The following FER1L6 variants were observed in gnomAD, a reference collection of about 807,000 sequenced individuals.
The protein encoded by FER1L6 is fer-1 like family member 6.
A neutral mutation model predicts 219.2 loss-of-function variants in FER1L6; 177 were observed. The ratio of observed to expected loss-of-function variants is 0.81; its 90% CI spans 0.71 to 0.91. FER1L6 has a LOEUF of 0.91. Among genes scored for constraint, FER1L6 ranks in the 40% least tolerant of loss-of-function variants. The probability of loss-of-function intolerance (pLI) is 0.00; values close to 1 mark genes in which losing one functional copy is unlikely to be tolerated. For missense variants in FER1L6, 2,153 were observed against 2,259.9 expected (o/e 0.95, Z 0.96); for synonymous variants, 768 against 824.3 (o/e 0.93, Z 1.17).
intron 19 of FER1L6, among the ~76,000 whole-genome samples, chr8:124,037,401 A>T (rs1223789094): frequency 6.6e-6 from 1 of 152,116 alleles, no homozygotes; most frequent in African/African-American, 2.4e-5. Context: ...TCCATCATTT[A>T]CTGTTGCCAT....
chr8:123,973,487 C>T lies in FER1L6; in HGVS notation c.501C>T (p.Asp167=), dbSNP rs1470204780. ...GSVLIGSFKV[D]LGTVYNQPGH... ...TACTGATTGGCTCTTTCAAAGTAGACCTGGGGACCGTGTACAACCAACCTG... is the reference window on the plus strand; with the variant it reads ...TACTGATTGGCTCTTTCAAAGTAGATCTGGGGACCGTGTACAACCAACCTG... The change falls in exon 7 of 41, where the codon GAC becomes GAT. Residue 167 remains aspartate (D), a synonymous_variant. Coordinates refer to ENST00000522917, the MANE Select transcript of FER1L6 (RefSeq NM_001039112.2). 3.7e-6 allele frequency: 6 copies of T among 1,613,888 alleles called. No homozygotes were observed. In the Admixed American group the frequency reaches 6.7e-5, roughly 18 times the overall value.
chr8:123,915,700 A>G (rs968362848), intron 1 of FER1L6, among the ~76,000 whole-genome samples: 1 of 152,216 alleles, frequency 6.6e-6, no homozygotes, highest in Non-Finnish European at 1.5e-5. Context: ...AGGTATTACA[A>G]TAGCGATAAG....
chr8:124,116,021 A>G lies in FER1L6; in HGVS notation c.5290-2823A>G, dbSNP rs577195525. On this transcript the variant is annotated intron_variant, in intron 39 of 40. Coordinates refer to ENST00000522917, the MANE Select transcript of FER1L6 (RefSeq NM_001039112.2). ...GACAGCAATTACAGGGTTCCTCTTG[A>G]ATATTTCAGAAACAGCACATTTATT... 2.0e-3 allele frequency among the ~76,000 whole-genome samples: 302 copies of G among 152,356 alleles called. 2 individuals are homozygous for G. The highest frequency in any genetic ancestry group is 7.0e-3 in the African/African-American group (292 of 41,592).
At position 123,977,364 on chromosome 8, in the gene FER1L6, C is replaced by G. The variant is rs1295268144; in HGVS notation, c.871-53C>G. The G allele has an allele frequency of 2.6e-6, 4 of 1,537,628 alleles. No homozygotes were observed. In the East Asian group the frequency reaches 6.8e-5, roughly 26 times the overall value. On this transcript the variant is annotated intron_variant, in intron 9 of 40. Coordinates refer to ENST00000522917, the MANE Select transcript of FER1L6 (RefSeq NM_001039112.2). ...ACTTCCAGCTGGCTTGAAGAGTTTTCTGTAGTCAGTCAGTCCCTTCCATGA... is the reference window on the plus strand; with the variant it reads ...ACTTCCAGCTGGCTTGAAGAGTTTTGTGTAGTCAGTCAGTCCCTTCCATGA...
intron 1 of FER1L6, among the ~76,000 whole-genome samples, chr8:123,887,933 G>A (rs1817234779): frequency 6.6e-6 from 1 of 152,070 alleles, no homozygotes. Context: ...GAAAATTAAA[G>A]AAATCTGGCT....
rs145798092 is a variant in FER1L6, at chr8:124,060,618, T to C, written c.3056T>C (p.Ile1019Thr). The C allele has an allele frequency of 2.9e-5, 47 of 1,613,884 alleles. No homozygotes were observed. Among genetic ancestry groups the C allele is most frequent in the Admixed American group, 1.0e-4 (6 of 59,972 alleles). The change falls in exon 24 of 41, where the codon ATT (isoleucine) becomes ACT (threonine). Residue 1019 changes from isoleucine to threonine, a missense_variant. Physicochemically the swap from Ile to Thr is moderately conservative, Grantham distance 89 (BLOSUM62 -1). Transcript: ENST00000522917. ...TCTGTGGATCGGCCTCAGGCTCTCA[T>C]TGAGTGCGGAGGACAAGGTGTGAAG... ...LLSVDRPQAL[I>T]ECGGQGVKSC...
At chr8:124,065,089 G>C (rs1196369729) in intron 26 of FER1L6, among the ~76,000 whole-genome samples, 2 of 152,072 alleles carry the variant, frequency 1.3e-5, no homozygotes, top group Admixed American at 1.3e-4. Flanking sequence ...AAAAGAGAAG[G>C]CCATTTTAAG....
At chr8:124,101,420 C>T (rs1822545404) in intron 38 of FER1L6, 82 bp downstream of exon 38, 6 of 1,307,496 alleles carry the variant, frequency 4.6e-6, no homozygotes, top group Middle Eastern at 5.1e-4. Context: ...GATTTAGTTA[C>T]AAGACTAATA....
chr8:124,049,643 C>T lies in FER1L6; in HGVS notation c.2761C>T (p.Pro921Ser). 2 of 1,613,940 alleles carry T rather than the reference C, an allele frequency of 1.2e-6. No individual in the cohort carries two copies. The highest frequency in any genetic ancestry group is 1.7e-6 in the Non-Finnish European group (2 of 1,179,986). The part of the protein sequence containing the change: ...PEYLGATVAA[P>S]VVKLADQDYE... The stretch of plus-strand genomic sequence containing the variant: ...ATATTTGGGTGCCACAGTGGCTGCT[C>T]CTGTTGTGAAGCTGGCTGACCAGGA... Residue 921 changes from proline to serine, a missense_variant, in exon 22 of 41, where the codon CCT (proline) becomes TCT (serine). Transcript: ENST00000522917.
In FER1L6 at chr8:124,106,256, G is replaced by A. The variant is rs141935020; in HGVS notation, c.5289+2947G>A. On this transcript the variant is annotated intron_variant, in intron 39 of 40. Transcript: ENST00000522917. Reference sequence around the variant, plus strand: ...AGGCAGAAGAATGGTGTGAACCCAGGAGGCGGAGCTTGCAGTGAGCCGAGA... The same window carrying A: ...AGGCAGAAGAATGGTGTGAACCCAGAAGGCGGAGCTTGCAGTGAGCCGAGA... Among the ~76,000 whole-genome samples, 855 of 130,184 alleles carry A rather than the reference G, an allele frequency of 6.6e-3. 14 individuals carry two copies. The highest frequency in any genetic ancestry group is 0.023 in the African/African-American group (810 of 35,042). The allele number at this position is 130,184 out of a possible 152,430, so 85.4% of individuals were successfully genotyped here.
In FER1L6 at chr8:124,060,548, G is replaced by T. The variant is rs1183709873; in HGVS notation, c.2986G>T (p.Val996Phe). 6.2e-7 allele frequency: 1 copy of T among 1,613,786 alleles called. No homozygotes were observed. The highest frequency in any genetic ancestry group is 1.1e-5 in the South Asian group (1 of 91,054). The change falls in exon 24 of 41, where the codon GTT (valine) becomes TTT (phenylalanine). Residue 996 changes from valine to phenylalanine, a missense_variant and splice_region_variant. Physicochemically the swap from Val to Phe is conservative, Grantham distance 50. Coordinates refer to ENST00000522917, the MANE Select transcript of FER1L6 (RefSeq NM_001039112.2). The part of the protein sequence containing the change: ...RPVLSKYRVE[V>F]LFWGVREMKK... ...ATGGCTCTGCTGGTCTTTTCCTCAG[G>T]TTCTCTTCTGGGGAGTTCGGGAAAT...
rs184131724 is a variant in FER1L6, at chr8:124,030,961, C to A, written c.2287-4316C>A. 1.8e-3 allele frequency among the ~76,000 whole-genome samples: 281 copies of A among 152,262 alleles called. 3 individuals are homozygous for A. Among genetic ancestry groups the A allele is most frequent in the Middle Eastern group, 3.4e-3 (1 of 294 alleles). On this transcript the variant is annotated intron_variant, in intron 18 of 40. Coordinates refer to ENST00000522917, the MANE Select transcript of FER1L6 (RefSeq NM_001039112.2). ...CAGGGGAGACTGAGCCTTTAGTATTCTGTCTCATGCAATATTTATATATGG... is the reference window on the plus strand; with the variant it reads ...CAGGGGAGACTGAGCCTTTAGTATTATGTCTCATGCAATATTTATATATGG...
At chr8:123,969,124 A>G (rs1815684530) in intron 5 of FER1L6, among the ~76,000 whole-genome samples, 1 of 152,218 alleles carries the variant, frequency 6.6e-6, no homozygotes, top group South Asian at 2.1e-4. Context: ...CAAGAGAACT[A>G]AGGTTTGGTC....
intron 1 of FER1L6, among the ~76,000 whole-genome samples, chr8:123,938,099 A>C (rs764944570): frequency 2.0e-5 from 3 of 152,210 alleles, no homozygotes; most frequent in African/African-American, 7.2e-5. Context: ...TCATACCAAG[A>C]ACACTTCCTT....
At chr8:123,889,601 T>C (rs1812603801) in intron 1 of FER1L6, among the ~76,000 whole-genome samples, 2 of 152,120 alleles carry the variant, frequency 1.3e-5, no homozygotes. Flanking sequence ...AAGTATTAGA[T>C]ACATACACCA....
chr8:123,997,858 T>C (rs1185227232), intron 12 of FER1L6, among the ~76,000 whole-genome samples: 1 of 152,226 alleles, frequency 6.6e-6, no homozygotes, highest in Admixed American at 6.5e-5. Context: ...CTTGATTCTT[T>C]CTAATTATTC....
At chr8:123,982,412 T>A (rs1169217251) in intron 11 of FER1L6, among the ~76,000 whole-genome samples, 21 of 152,246 alleles carry the variant, frequency 1.4e-4, no homozygotes, top group Non-Finnish European at 2.5e-4. Flanking sequence ...GTTGGGAACT[T>A]ATGTGGGGTA....
intron 13 of FER1L6, among the ~76,000 whole-genome samples, chr8:124,005,514 C>T (rs1470161968): frequency 1.3e-5 from 2 of 152,214 alleles, no homozygotes. Flanking sequence ...AATTCCATTC[C>T]CTGAATCCCC....
intron 22 of FER1L6, among the ~76,000 whole-genome samples, chr8:124,051,511 C>G (rs996068174): frequency 6.6e-6 from 1 of 152,176 alleles, no homozygotes; most frequent in Non-Finnish European, 1.5e-5. Flanking sequence ...TATAGTCAAT[C>G]TATCTAAAGT....
Sources: allele counts gnomAD v4.1 joint callset (sites outside exome capture counted in the v4.1 genomes callset), GRCh38; gene constraint gnomAD v4.1.1; transcripts MANE v1.5; gene names NCBI Gene and HGNC (gene_info 2026-07-23, HGNC 2026-07-21).